TBC1D1: variants seen among roughly 807,000 people sequenced by gnomAD.
TBC1D1 encodes TBC1 domain family member 1, also known as TBC1 (tre-2/USP6, BUB2, cdc16) domain family, member 1.
TBC1D1 carries 89 observed loss-of-function variants against 125.6 expected under a neutral mutation model. That is an observed-to-expected ratio of 0.71 (90% confidence interval 0.60 to 0.85). The LOEUF (loss-of-function observed/expected upper bound fraction) is 0.85, where lower values mean the gene tolerates loss of function less well. TBC1D1 is among the 40% of genes least tolerant of loss of function. The pLI is 0.00. For synonymous variants in TBC1D1, 565 were observed against 564.1 expected (o/e 1.00, Z -0.02); for missense variants, 1,377 against 1,469.2 (o/e 0.94, Z 1.03).
At chr4:38,073,164 A>G (rs1361269243) in intron 12 of TBC1D1, among the ~76,000 whole-genome samples, 1 of 152,178 alleles carries the variant, frequency 6.6e-6, no homozygotes, top group Non-Finnish European at 1.5e-5. Flanking sequence ...TGGATCGATC[A>G]TAGTGTAGTT....
chr4:37,895,669 A>G (rs1714406593), intron 1 of TBC1D1, among the ~76,000 whole-genome samples: 1 of 152,220 alleles, frequency 6.6e-6, no homozygotes, highest in Non-Finnish European at 1.5e-5. Context: ...ACGCCACTGC[A>G]CTACAGCCTG....
intron 2 of TBC1D1, among the ~76,000 whole-genome samples, chr4:37,921,096 C>A (rs1720860051): frequency 1.7e-5 from 2 of 116,732 alleles, no homozygotes; most frequent in South Asian, 2.9e-4. Context: ...GGCGACAGAG[C>A]GAGACTCCGT....
At chr4:38,019,078 G>A (rs1260162105) in intron 4 of TBC1D1, among the ~76,000 whole-genome samples, 1 of 152,020 alleles carries the variant, frequency 6.6e-6, no homozygotes, top group Non-Finnish European at 1.5e-5. Flanking sequence ...GTTTCATAGA[G>A]GGATTTTGGA....
chr4:37,920,146 C>T (rs1221689348), intron 2 of TBC1D1, among the ~76,000 whole-genome samples: 1 of 152,172 alleles, frequency 6.6e-6, no homozygotes, highest in African/African-American at 2.4e-5. Context: ...CATTAACTGT[C>T]TGTGTGCCAG....
At chr4:38,059,410 A>G (rs1048654346) in intron 12 of TBC1D1, among the ~76,000 whole-genome samples, 1 of 152,248 alleles carries the variant, frequency 6.6e-6, no homozygotes, top group Non-Finnish European at 1.5e-5. Context: ...AGCGATTTTT[A>G]CTTGGAGACT....
intron 18 of TBC1D1, among the ~76,000 whole-genome samples, chr4:38,126,131 G>C (rs1260695080): frequency 6.6e-6 from 1 of 152,226 alleles, no homozygotes; most frequent in Non-Finnish European, 1.5e-5. Flanking sequence ...AAATCTGTAT[G>C]ACATGTGACT....
chr4:38,035,460 G>C (rs1462607262), intron 7 of TBC1D1, 128 bp from the exon 8 acceptor site: 7 of 664,434 alleles, frequency 1.1e-5, no homozygotes, highest in Non-Finnish European at 1.8e-5. Flanking sequence ...GATCATTGGT[G>C]CCCCCTGGTG....
chr4:37,921,327 C>A (rs1327108709), intron 2 of TBC1D1, among the ~76,000 whole-genome samples: 1 of 148,106 alleles, frequency 6.8e-6, no homozygotes, highest in Non-Finnish European at 1.5e-5. Context: ...TCTGTGACTT[C>A]CAACCCAGGA....
At chr4:37,900,075 C>T (rs564829514) in intron 1 of TBC1D1, among the ~76,000 whole-genome samples, 4 of 149,452 alleles carry the variant, frequency 2.7e-5, no homozygotes, top group East Asian at 4.0e-4. Flanking sequence ...GAGCCGAGAT[C>T]GCGCCACTGC....
At chr4:38,050,010 CTTGGT>C (rs1750202710) in intron 11 of TBC1D1, 112 bp downstream of exon 11, 1 of 1,268,830 alleles carries the variant, frequency 7.9e-7, no homozygotes, top group African/African-American at 1.5e-5. Flanking sequence ...AGGCTTTACT[CTTGGT>C]TTGGAGATAA....
chr4:37,909,560 G>A lies in TBC1D1; in HGVS notation c.417+7048G>A, dbSNP rs144467530. On this transcript the variant is annotated intron_variant, in intron 2 of 19. Transcript: ENST00000261439. ...TTCTTTCTTCGCTAGAGTGAAGATC[G>A]AAGATTACAACACAGAGCTAGAGCA... 7.1e-3 allele frequency among the ~76,000 whole-genome samples: 1,078 copies of A among 152,164 alleles called. 11 individuals carry two copies. Among genetic ancestry groups the A allele is most frequent in the South Asian group, 0.035 (169 of 4,820 alleles).
chr4:37,948,548 AC>A (rs1405530063), intron 2 of TBC1D1, among the ~76,000 whole-genome samples: 5 of 151,592 alleles, frequency 3.3e-5, no homozygotes, highest in Non-Finnish European at 7.4e-5. Flanking sequence ...AATTTCTTGA[AC>A]CTGGGAGGTG....
chr4:38,006,786 A>G (rs1021943487), intron 2 of TBC1D1: 1 of 497,162 alleles, frequency 2.0e-6, no homozygotes, highest in Non-Finnish European at 4.0e-6. Flanking sequence ...GCCCAACACT[A>G]TTTCTTTTAT....
rs770884006 is a variant in TBC1D1 at position 37,902,359 on chromosome 4, G to A, written c.264G>A (p.Leu88=). 6.2e-7 allele frequency: 1 copy of A among 1,614,164 alleles called. No homozygotes were observed. The highest frequency in any genetic ancestry group is 1.1e-5 in the South Asian group (1 of 91,082). The change falls in exon 2 of 20, where the codon CTG becomes CTA. Residue 88 remains leucine, a synonymous_variant. Coordinates refer to ENST00000261439, the MANE Select transcript of TBC1D1 (RefSeq NM_015173.4). ...GGAGAAGTCAACAGTGGGATCCCCT[G>A]ATCTATTCCAGCATCTTTGAGTGCA...
chr4:38,037,582 A>C (rs921040269), intron 8 of TBC1D1, among the ~76,000 whole-genome samples: 2 of 152,152 alleles, frequency 1.3e-5, no homozygotes, highest in African/African-American at 2.4e-5. Context: ...CAGTTTAGCC[A>C]CGTGGATTTC....
intron 2 of TBC1D1, among the ~76,000 whole-genome samples, chr4:37,980,404 T>G (rs1734116622): frequency 6.6e-6 from 1 of 152,222 alleles, no homozygotes; most frequent in South Asian, 2.1e-4. Context: ...CTTTGTGATT[T>G]TCATAGTAAA....
intron 2 of TBC1D1, chr4:37,961,140 T>G: frequency 1.6e-6 from 2 of 1,279,596 alleles, no homozygotes; most frequent in Non-Finnish European, 2.2e-6. Context: ...TGGGTCATAT[T>G]CCTCTTTATG....
Position 37,969,838 on chromosome 4 carries a change from A to G in TBC1D1, c.418-44671A>G, listed in dbSNP as rs116326582. On this transcript the variant is annotated intron_variant, in intron 2 of 19. Coordinates refer to ENST00000261439, the MANE Select transcript of TBC1D1 (RefSeq NM_015173.4). Reference sequence around the variant, plus strand: ...GTATATTAATGTAACCATCATCACCATCTAATTCCAAAACATTGTCATCAC... The same window carrying G: ...GTATATTAATGTAACCATCATCACCGTCTAATTCCAAAACATTGTCATCAC... 7.5e-3 allele frequency among the ~76,000 whole-genome samples: 1,146 copies of G among 152,344 alleles called. 10 individuals carry two copies. The highest frequency in any genetic ancestry group is 0.015 in the African/African-American group (643 of 41,566).
At chr4:38,049,299 C>A (rs1750039098) in intron 10 of TBC1D1, among the ~76,000 whole-genome samples, 1 of 152,160 alleles carries the variant, frequency 6.6e-6, no homozygotes, top group Non-Finnish European at 1.5e-5. Context: ...TTAGAAGCTG[C>A]AGTAAACAGT....
Sources: allele counts gnomAD v4.1 joint callset (sites outside exome capture counted in the v4.1 genomes callset), GRCh38; gene constraint gnomAD v4.1.1; transcripts MANE v1.5; gene names NCBI Gene and HGNC (gene_info 2026-07-23, HGNC 2026-07-21).